The following TMC1 variants were observed in gnomAD, a reference collection of about 807,000 sequenced individuals.
TMC1 encodes transmembrane channel like 1.
Under a neutral mutation model 105.8 loss-of-function variants are expected in TMC1, and 84 were observed. That is an observed-to-expected ratio of 0.79 (90% CI 0.67 to 0.95). TMC1 has a LOEUF of 0.95. Ranked by LOEUF, TMC1 falls within the 40% of genes least tolerant of loss-of-function variation. The pLI, the probability that TMC1 is intolerant of heterozygous loss-of-function variation, is 0.00. For synonymous variants in TMC1, 315 were observed against 311.5 expected, an observed-to-expected ratio of 1.01 and a Z score of -0.12; for missense variants, 817 against 914.1, an observed-to-expected ratio of 0.89 and a Z score of 1.37.
intron 4 of TMC1, chr9:72,628,334 C>A: frequency 9.0e-6 from 2 of 221,848 alleles, no homozygotes; most frequent in South Asian, 1.1e-4. Flanking sequence ...ATACTTGTGT[C>A]ATCCTCAACT....
At chr9:72,547,799 T>C (rs933011019) in intron 1 of TMC1, among the ~76,000 whole-genome samples, 1 of 152,194 alleles carries the variant, frequency 6.6e-6, no homozygotes, top group Non-Finnish European at 1.5e-5. Context: ...CAAATGTGTA[T>C]AGCTAAGCGT....
intron 4 of TMC1, among the ~76,000 whole-genome samples, chr9:72,634,576 G>A (rs76892377): frequency 1.5e-3 from 231 of 152,270 alleles, no homozygotes; most frequent in African/African-American, 5.3e-3. Context: ...GTTAAAAAAG[G>A]CAGTTAGCTT....
intron 5 of TMC1, among the ~76,000 whole-genome samples, chr9:72,685,504 C>T (rs999241548): frequency 6.6e-6 from 1 of 151,870 alleles, no homozygotes; most frequent in Non-Finnish European, 1.5e-5. Context: ...GCTGGGATTA[C>T]AGGCGCCTGC....
intron 11 of TMC1, among the ~76,000 whole-genome samples, chr9:72,752,902 G>T (rs1216734385): frequency 2.0e-5 from 3 of 152,058 alleles, no homozygotes; most frequent in Non-Finnish European, 4.4e-5. Context: ...GCTTTTAATA[G>T]TACAAAGCAC....
rs149114398 is a variant in TMC1, at chr9:72,819,582, C to G, written c.1764-1260C>G. On this transcript the variant is annotated intron_variant, in intron 19 of 23. Coordinates refer to ENST00000297784, the MANE Select transcript of TMC1 (RefSeq NM_138691.3). ...TAAAATATCATTCGTATCTATTGTCCGAAATCTTGTCAACAAGACAGCCCA... is the reference window on the plus strand; with the variant it reads ...TAAAATATCATTCGTATCTATTGTCGGAAATCTTGTCAACAAGACAGCCCA... Among the ~76,000 whole-genome samples, 840 of 152,220 alleles carry G rather than the reference C, an allele frequency of 5.5e-3. 6 individuals carry two copies. Among genetic ancestry groups the G allele is most frequent in the African/African-American group, 0.019 (805 of 41,542 alleles).
intron 12 of TMC1, among the ~76,000 whole-genome samples, chr9:72,764,896 G>A (rs150664473): frequency 4.1e-4 from 62 of 152,296 alleles, no homozygotes; most frequent in African/African-American, 1.5e-3. Context: ...ATGACAATCT[G>A]AGGCTGATGT....
chr9:72,808,037 A>G (rs1472315698), intron 18 of TMC1, among the ~76,000 whole-genome samples: 2 of 152,208 alleles, frequency 1.3e-5, no homozygotes, highest in African/African-American at 4.8e-5. Flanking sequence ...AACTGGTCTC[A>G]GTCATCCTGG....
At position 72,658,715 on chromosome 9, in the gene TMC1, A is replaced by G. The variant is rs190701458; in HGVS notation, c.16+10051A>G. 4.6e-3 allele frequency among the ~76,000 whole-genome samples: 708 copies of G among 152,378 alleles called. 9 individuals carry two copies. Among genetic ancestry groups the G allele is most frequent in the African/African-American group, 0.015 (629 of 41,598 alleles). Reference sequence around the variant, plus strand: ...ATGCAATAAAAAGTAAGAGAGATTCAGAAATTCTGATGATTATTCTCCCAA... The same window carrying G: ...ATGCAATAAAAAGTAAGAGAGATTCGGAAATTCTGATGATTATTCTCCCAA... On this transcript the variant is annotated intron_variant, in intron 5 of 23. Coordinates refer to ENST00000297784, the MANE Select transcript of TMC1 (RefSeq NM_138691.3).
intron 1 of TMC1, among the ~76,000 whole-genome samples, chr9:72,569,659 A>G (rs558727272): frequency 6.6e-6 from 1 of 152,300 alleles, no homozygotes; most frequent in African/African-American, 2.4e-5. Context: ...CAGGGAGATG[A>G]CGGGGCTACA....
chr9:72,728,153 A>C (rs1827152763), intron 8 of TMC1, among the ~76,000 whole-genome samples: 1 of 152,156 alleles, frequency 6.6e-6, no homozygotes, highest in African/African-American at 2.4e-5. Flanking sequence ...TGAGTAACTG[A>C]AAGAGGAGGT....
intron 4 of TMC1, among the ~76,000 whole-genome samples, chr9:72,648,392 T>C (rs1347483106): frequency 6.6e-6 from 1 of 152,198 alleles, no homozygotes. Context: ...ATTCCAAACA[T>C]GAACCCCAAA....
At chr9:72,690,837 C>T (rs1174184910) in intron 6 of TMC1, among the ~76,000 whole-genome samples, 1 of 152,038 alleles carries the variant, frequency 6.6e-6, no homozygotes, top group Non-Finnish European at 1.5e-5. Flanking sequence ...CTGTGGGCTT[C>T]CTGAATCTGA....
At chr9:72,628,759 A>G (rs1396510603) in intron 4 of TMC1, among the ~76,000 whole-genome samples, 3 of 152,256 alleles carry the variant, frequency 2.0e-5, no homozygotes, top group African/African-American at 7.2e-5. Context: ...TAATTGGATC[A>G]TGTGTTATTT....
chr9:72,671,405 C>T (rs990634018), intron 5 of TMC1, among the ~76,000 whole-genome samples: 9 of 152,178 alleles, frequency 5.9e-5, no homozygotes, highest in African/African-American at 2.2e-4. Flanking sequence ...ATTCATACAG[C>T]TTAAAATATT....
intron 2 of TMC1, among the ~76,000 whole-genome samples, chr9:72,583,074 T>A (rs568976928): frequency 6.6e-6 from 1 of 152,038 alleles, no homozygotes; most frequent in South Asian, 2.1e-4. Context: ...TACAAAAAAA[T>A]TAGCTGGATT....
At chr9:72,658,094 A>T (rs1692692708) in intron 5 of TMC1, among the ~76,000 whole-genome samples, 1 of 152,076 alleles carries the variant, frequency 6.6e-6, no homozygotes, top group Admixed American at 6.5e-5. Context: ...ATTTTAATGG[A>T]TTTAACTCAA....
At chr9:72,805,804 T>G (rs1828565785) in intron 18 of TMC1, among the ~76,000 whole-genome samples, 1 of 152,000 alleles carries the variant, frequency 6.6e-6, no homozygotes, top group Non-Finnish European at 1.5e-5. Flanking sequence ...GCACCACCCT[T>G]AATCCATTTA....
At chr9:72,806,887 C>T (rs1414034280) in intron 18 of TMC1, among the ~76,000 whole-genome samples, 6 of 152,218 alleles carry the variant, frequency 3.9e-5, no homozygotes, top group Admixed American at 1.3e-4. Context: ...GCTGCAATCT[C>T]GGCACTTTGG....
At chr9:72,587,347 G>A (rs1331262057) in intron 2 of TMC1, among the ~76,000 whole-genome samples, 3 of 152,014 alleles carry the variant, frequency 2.0e-5, no homozygotes, top group Non-Finnish European at 4.4e-5. Flanking sequence ...TAATAGAGAC[G>A]AGGTTTTACC....
Sources: gnomAD v4.1 joint callset for allele counts (sites outside exome capture counted in the v4.1 genomes callset) on GRCh38, gnomAD v4.1.1 for gene constraint, MANE v1.5 for transcripts, NCBI Gene and HGNC (gene_info 2026-07-23, HGNC 2026-07-21) for gene names.